The following PHF24 variants were observed in gnomAD, a reference collection of about 807,000 sequenced individuals.
The protein encoded by PHF24 is PHD finger protein 24, also known as Galpha inhibitory interacting protein.
Under a neutral mutation model 42.6 loss-of-function variants are expected in PHF24, and 25 were observed. The ratio of observed to expected loss-of-function variants is 0.59; its 90% CI spans 0.43 to 0.82. PHF24 has a LOEUF of 0.82. Ranked by LOEUF, PHF24 falls within the 40% of genes least tolerant of loss-of-function variation. The probability of loss-of-function intolerance (pLI) is 0.00; values close to 1 mark genes in which losing one functional copy is unlikely to be tolerated. For missense variants in PHF24, 470 were observed against 538.1 expected, an observed-to-expected ratio of 0.87 and a Z score of 1.25; for synonymous variants, 185 against 204.8, an observed-to-expected ratio of 0.90 and a Z score of 0.83.
chr9:34,834,531 G>A, the PHF24 span: 1 of 1,551,414 alleles, frequency 6.4e-7, no homozygotes, highest in South Asian at 1.2e-5. Flanking sequence ...AATTCCAGCA[G>A]CTTCCGGGCA....
chr9:34,731,411 A>C, the PHF24 span, among the ~76,000 whole-genome samples: 1 of 152,206 alleles, frequency 6.6e-6, no homozygotes, highest in Non-Finnish European at 1.5e-5. Flanking sequence ...TACATTAACC[A>C]TCTGCCCTTC....
chr9:34,808,749 T>G, the PHF24 span, among the ~76,000 whole-genome samples: 1 of 151,944 alleles, frequency 6.6e-6, no homozygotes, highest in Non-Finnish European at 1.5e-5. Context: ...AAGCCCTTTT[T>G]AAAAGGCATT....
the PHF24 span, among the ~76,000 whole-genome samples, chr9:34,805,638 C>T: frequency 6.6e-6 from 1 of 152,150 alleles, no homozygotes; most frequent in Non-Finnish European, 1.5e-5. Context: ...TTTGCAAATA[C>T]TTACTTCCAT....
At chr9:34,831,997 A>T in the PHF24 span, among the ~76,000 whole-genome samples, 1 of 152,166 alleles carries the variant, frequency 6.6e-6, no homozygotes, top group Non-Finnish European at 1.5e-5. Context: ...ACTCCTCTAA[A>T]ATGAACCATC....
the PHF24 span, chr9:34,689,814 A>G: frequency 6.2e-7 from 1 of 1,614,152 alleles, no homozygotes; most frequent in Non-Finnish European, 8.5e-7. The surrounding 1 kb of genome is among the most constrained non-coding windows in gnomAD (Gnocchi z 4.1). Flanking sequence ...CTGCACGGTC[A>G]TAGGTTAACT....
At chr9:34,683,782 G>T in the PHF24 span, among the ~76,000 whole-genome samples, 1 of 152,178 alleles carries the variant, frequency 6.6e-6, no homozygotes, top group Admixed American at 6.5e-5. Context: ...GTTCTGGGTG[G>T]GTGCTCCCTT....
At chr9:34,791,098 A>G in the PHF24 span, among the ~76,000 whole-genome samples, 1 of 152,246 alleles carries the variant, frequency 6.6e-6, no homozygotes, top group Non-Finnish European at 1.5e-5. Flanking sequence ...GATCATATTT[A>G]TGTTTTAAAA....
At chr9:34,977,178 G>A in exon 6 of PHF24, 1 of 1,613,948 alleles carries the variant, frequency 6.2e-7, no homozygotes, top group Non-Finnish European at 8.5e-7. Flanking sequence ...GTGAGGCAGA[G>A]TGCCGCCGGG....
the PHF24 span, chr9:34,892,807 A>G: frequency 4.7e-6 from 3 of 631,804 alleles, no homozygotes; most frequent in East Asian, 5.5e-5. Context: ...GAAAGTGATC[A>G]GCCCAGGAAT....
the PHF24 span, among the ~76,000 whole-genome samples, chr9:34,675,972 G>A: frequency 2.0e-5 from 3 of 152,210 alleles, no homozygotes; most frequent in Admixed American, 2.0e-4. Context: ...GCTCAGAGGA[G>A]GGACATAAGA....
chr9:34,721,222 T>C, the PHF24 span, among the ~76,000 whole-genome samples: 3 of 152,216 alleles, frequency 2.0e-5, no homozygotes, highest in Admixed American at 2.0e-4. Context: ...AGCTCCTGCA[T>C]CATTAATTTA....
At chr9:34,669,513 CCTT>C in the PHF24 span, among the ~76,000 whole-genome samples, 15 of 151,168 alleles carry the variant, frequency 9.9e-5, no homozygotes, top group South Asian at 4.2e-4. Flanking sequence ...GTGCAGGAGT[CCTT>C]CTGCTTGTGT....
chr9:34,798,909 G>C, the PHF24 span, among the ~76,000 whole-genome samples: 1 of 152,176 alleles, frequency 6.6e-6, no homozygotes, highest in Non-Finnish European at 1.5e-5. Context: ...TGACTGGTGT[G>C]AGATGGTATC....
chr9:34,975,058 C>T (rs1039510769), intron 3 of PHF24, among the ~76,000 whole-genome samples: 6 of 152,200 alleles, frequency 3.9e-5, no homozygotes, highest in African/African-American at 1.4e-4. Context: ...CAGACTCTGC[C>T]GCTCTAATCC....
the PHF24 span, among the ~76,000 whole-genome samples, chr9:34,864,033 T>C: frequency 6.6e-6 from 1 of 152,220 alleles, no homozygotes; most frequent in Non-Finnish European, 1.5e-5. Flanking sequence ...AGTCTTCTAA[T>C]AGCAGAATTG....
At chr9:34,830,115 G>A in the PHF24 span, among the ~76,000 whole-genome samples, 7 of 152,308 alleles carry the variant, frequency 4.6e-5, no homozygotes, top group South Asian at 2.1e-4. Flanking sequence ...GCTCAGAAAT[G>A]TTAAGTAACT....
chr9:34,894,771 TTGTAAAA>T, the PHF24 span, among the ~76,000 whole-genome samples: 1 of 152,208 alleles, frequency 6.6e-6, no homozygotes. Flanking sequence ...TTCCACAGGT[TTGTAAAA>T]CTAGTAAATG....
At chr9:34,808,910 A>T in the PHF24 span, among the ~76,000 whole-genome samples, 1 of 117,834 alleles carries the variant, frequency 8.5e-6, no homozygotes. Context: ...GGGGGGAGGG[A>T]TAGCATTGGG....
At chr9:34,836,371 T>A in the PHF24 span, among the ~76,000 whole-genome samples, 1 of 152,014 alleles carries the variant, frequency 6.6e-6, no homozygotes, top group Admixed American at 6.6e-5. Flanking sequence ...TGTGGAAGAG[T>A]CAGTTGGTTA....
Sources: allele counts gnomAD v4.1 joint callset (sites outside exome capture counted in the v4.1 genomes callset), GRCh38; gene constraint gnomAD v4.1.1; non-coding constraint Gnocchi (gnomAD v3.1); transcripts MANE v1.5; gene names NCBI Gene and HGNC (gene_info 2026-07-23, HGNC 2026-07-21).